The following CCDC150 variants were observed in gnomAD, a reference collection of about 807,000 sequenced individuals.
CCDC150 encodes coiled-coil domain-containing protein 150.
CCDC150 carries 151 observed loss-of-function variants against 156.5 expected under a neutral mutation model. That is an observed-to-expected ratio of 0.97 (90% CI 0.85 to 1.10). CCDC150 has a LOEUF of 1.10. Among genes scored for constraint, CCDC150 ranks in the 50% least tolerant of loss-of-function variants. The pLI is 0.00. For synonymous variants in CCDC150, 452 were observed against 429.4 expected, an observed-to-expected ratio of 1.05 and a Z score of -0.65; for missense variants, 1,312 against 1,268.1, an observed-to-expected ratio of 1.03 and a Z score of -0.53.
chr2:196,671,438 T>C (rs1390751552), intron 8 of CCDC150, among the ~76,000 whole-genome samples: 1 of 146,468 alleles, frequency 6.8e-6, no homozygotes, highest in African/African-American at 2.5e-5. Context: ...TTTTTTTTTT[T>C]TTTTTTTTTG....
chr2:196,697,339 A>G (rs1381071912), intron 14 of CCDC150, among the ~76,000 whole-genome samples: 1 of 151,920 alleles, frequency 6.6e-6, no homozygotes, highest in East Asian at 1.9e-4. Context: ...TTTAGCCTGT[A>G]GTGATAGTGC....
At chr2:196,726,305 A>T in intron 22 of CCDC150, 1 of 464,952 alleles carries the variant, frequency 2.2e-6, no homozygotes, top group Non-Finnish European at 3.9e-6. Flanking sequence ...GTGTGCCTTG[A>T]TGGGAGATTT....
At chr2:196,712,416 T>G in intron 16 of CCDC150, 164 bp downstream of exon 16, 1 of 569,080 alleles carries the variant, frequency 1.8e-6, no homozygotes, top group Non-Finnish European at 3.1e-6. Context: ...CATACAAGGT[T>G]CTGCTAAAGC....
intron 14 of CCDC150, among the ~76,000 whole-genome samples, 192 bp from the exon 15 acceptor site, chr2:196,700,917 G>A (rs1355693895): frequency 6.6e-6 from 1 of 152,198 alleles, no homozygotes; most frequent in Admixed American, 6.5e-5. Context: ...TTTATTAGCA[G>A]TCTCTGTACA....
At chr2:196,691,215 G>A (rs1404254550) in intron 13 of CCDC150, among the ~76,000 whole-genome samples, 1 of 152,162 alleles carries the variant, frequency 6.6e-6, no homozygotes, top group African/African-American at 2.4e-5. Context: ...GATGCTGCTG[G>A]CCTCATAGAA....
chr2:196,713,850 A>T (rs1194437438), intron 17 of CCDC150, among the ~76,000 whole-genome samples: 1 of 152,232 alleles, frequency 6.6e-6, no homozygotes, highest in Non-Finnish European at 1.5e-5. Flanking sequence ...TAGCCATCAC[A>T]TAATTAGTTT....
chr2:196,713,597 G>A (rs1014121845), intron 17 of CCDC150: 2 of 1,528,870 alleles, frequency 1.3e-6, no homozygotes, highest in Non-Finnish European at 1.8e-6. Flanking sequence ...TAAAACCATG[G>A]AGGGAAGACT....
At chr2:196,649,729 A>T (rs2125573444) in intron 2 of CCDC150, among the ~76,000 whole-genome samples, 1 of 152,298 alleles carries the variant, frequency 6.6e-6, no homozygotes, top group East Asian at 1.9e-4. Context: ...CTCCTTGGTT[A>T]AACTTATTCC....
intron 14 of CCDC150, among the ~76,000 whole-genome samples, chr2:196,698,557 A>C (rs767083858): frequency 6.6e-6 from 1 of 152,136 alleles, no homozygotes; most frequent in Non-Finnish European, 1.5e-5. Flanking sequence ...GTTATATTTG[A>C]GTGTTTAGCA....
chr2:196,729,925 C>T, intron 24 of CCDC150, 32 bp from the exon 25 acceptor site: 2 of 1,608,012 alleles, frequency 1.2e-6, no homozygotes, highest in Non-Finnish European at 1.7e-6. Context: ...GGAGGGTGTT[C>T]ACCAAATGTC....
rs772670674 is a variant in CCDC150 at position 196,713,494 on chromosome 2, C to T, written c.1866+755C>T. On this transcript the variant is annotated intron_variant, in intron 17 of 27. Transcript: ENST00000389175. The stretch of plus-strand genomic sequence containing the variant: ...CTAGTGTTATTCCAAACTCTACACG[C>T]CGTGTGAGCTTTGCACCTAACCTGC... 5.5e-5 allele frequency: 85 copies of T among 1,550,574 alleles called. 2 individuals carry two copies. In the South Asian group the frequency reaches 1.0e-3, roughly 18 times the overall value.
intron 20 of CCDC150, among the ~76,000 whole-genome samples, chr2:196,721,096 A>C (rs1356220417): frequency 2.6e-5 from 4 of 151,952 alleles, no homozygotes; most frequent in Non-Finnish European, 4.4e-5. Context: ...ATACACATGA[A>C]TATTTCATAA....
chr2:196,712,104 TATTTTTTAAA>T (rs1559265939), intron 15 of CCDC150, 31 bp from the exon 16 acceptor site: 1 of 977,492 alleles, frequency 1.0e-6, no homozygotes, highest in Non-Finnish European at 1.5e-6. Context: ...TTAAATGTTT[TATTTTTTAAA>T]ATTTTTTTTG....
Position 196,719,549 on chromosome 2 carries a change from T to A in CCDC150, c.2048T>A (p.Val683Asp), listed in dbSNP as rs1697754125. 1 of 1,612,470 alleles carries A rather than the reference T, an allele frequency of 6.2e-7. No homozygotes were observed. Among genetic ancestry groups the A allele is most frequent in the African/African-American group, 1.3e-5 (1 of 74,828 alleles). Residue 683 changes from valine to aspartate, a missense_variant, in exon 19 of 28, where the codon GTC becomes GAC. Physicochemically the swap from Val to Asp is radical, Grantham distance 152. Transcript: ENST00000389175. The stretch of plus-strand genomic sequence containing the variant: ...GAAGCTAAAGAAGACAACTGCAAAG[T>A]CACAATCATGTTGGAGAATGTGCTG... ...LAEAKEDNCK[V>D]TIMLENVLAS...
In CCDC150 at chr2:196,725,973, A is replaced by C; in HGVS notation, c.2430A>C (p.Lys810Asn). ...ELERQNLETF[K>N]DRMTEESKVE... Reference sequence around the variant, plus strand: ...TTATCACCTCTCTTCTTCAAAACAGAGACCGGATGACTGAAGAGTCCAAAG... The same window carrying C: ...TTATCACCTCTCTTCTTCAAAACAGCGACCGGATGACTGAAGAGTCCAAAG... Residue 810 changes from lysine (K) to asparagine (N), a missense_variant and splice_region_variant, in exon 22 of 28, where the codon AAA becomes AAC. Coordinates refer to ENST00000389175, the MANE Select transcript of CCDC150 (RefSeq NM_001080539.2). 1 of 1,592,194 alleles carries C rather than the reference A, an allele frequency of 6.3e-7. No homozygotes were observed. The highest frequency in any genetic ancestry group is 1.7e-4 in the Middle Eastern group (1 of 6,036).
intron 1 of CCDC150, among the ~76,000 whole-genome samples, chr2:196,645,733 T>A (rs1178981723): frequency 1.3e-5 from 2 of 152,222 alleles, no homozygotes; most frequent in Non-Finnish European, 2.9e-5. Flanking sequence ...GTCTTTGCTC[T>A]TGCCTGAAGT....
rs983333547 is a variant in CCDC150, at chr2:196,718,546, C to G, written c.1910C>G (p.Thr637Arg). The stretch of plus-strand genomic sequence containing the variant: ...AGAAGTAAAGAGGAGCTGTCCCGAA[C>G]AGTGAAGTGTCGTAATGCGGCCCTG... ...LERSKEELSR[T>R]VKCRNAALKE... The change falls in exon 18 of 28, where the codon ACA becomes AGA. Residue 637 changes from threonine (T) to arginine (R), a missense_variant. By Grantham distance (71) the Thr-to-Arg change is moderately conservative. Transcript: ENST00000389175. 1.2e-6 allele frequency: 2 copies of G among 1,613,394 alleles called. No homozygotes were observed. Among genetic ancestry groups the G allele is most frequent in the African/African-American group, 2.7e-5 (2 of 74,884 alleles).
rs1171251140 is a variant in CCDC150 at position 196,666,804 on chromosome 2, A to G, written c.848A>G (p.Lys283Arg). 6.2e-7 allele frequency: 1 copy of G among 1,613,734 alleles called. No individual in the cohort carries two copies. The highest frequency in any genetic ancestry group is 1.3e-5 in the African/African-American group (1 of 75,042). Reference protein sequence around the residue: ...QELLAQEQKKKEELEIATSQL... With the variant: ...QELLAQEQKKREELEIATSQL... ...CTACTGGCCCAGGAACAAAAAAAAAAAGAAGAGTTGGAGATTGCTACTTCA... is the reference window on the plus strand; with the variant it reads ...CTACTGGCCCAGGAACAAAAAAAAAGAGAAGAGTTGGAGATTGCTACTTCA... Residue 283 changes from lysine (K) to arginine (R), a missense_variant, in exon 7 of 28, where the codon AAA (lysine) becomes AGA (arginine). Transcript: ENST00000389175.
chr2:196,725,699 T>C (rs970256458), intron 21 of CCDC150, among the ~76,000 whole-genome samples: 1 of 152,240 alleles, frequency 6.6e-6, no homozygotes, highest in Non-Finnish European at 1.5e-5. Context: ...TTAAAGTGTT[T>C]CTTCTTCCTC....
Sources: gnomAD v4.1 joint callset for allele counts (sites outside exome capture counted in the v4.1 genomes callset) on GRCh38, gnomAD v4.1.1 for gene constraint, MANE v1.5 for transcripts, NCBI Gene and HGNC (gene_info 2026-07-23, HGNC 2026-07-21) for gene names.